Variants in SLC12A3 observed in about 807,000 individuals in gnomAD.
SLC12A3 encodes solute carrier family 12 member 3.
Under a neutral mutation model 121.0 loss-of-function variants are expected in SLC12A3, and 104 were observed. That is an observed-to-expected ratio of 0.86 (90% CI 0.73 to 1.01). The LOEUF is 1.01. Ranked by LOEUF, SLC12A3 falls within the 50% of genes least tolerant of loss-of-function variation. SLC12A3 has a pLI of 0.00. For synonymous variants in SLC12A3, 536 were observed against 533.4 expected (o/e 1.00, Z -0.07); for missense variants, 1,328 against 1,356.3 (o/e 0.98, Z 0.33).
At chr16:56,903,010 A>G (rs1026932228) in intron 24 of SLC12A3, among the ~76,000 whole-genome samples, 1 of 152,066 alleles carries the variant, frequency 6.6e-6, no homozygotes. Flanking sequence ...TTAGCTGGGC[A>G]TGGTGGCAGG....
At chr16:56,882,901 C>T (rs1283889070) in intron 13 of SLC12A3, among the ~76,000 whole-genome samples, 1 of 151,978 alleles carries the variant, frequency 6.6e-6, no homozygotes, top group African/African-American at 2.4e-5. Context: ...GAGATCGCGC[C>T]ATTGCACTCC....
At chr16:56,899,263 C>T (rs2055505469) in intron 22 of SLC12A3, among the ~76,000 whole-genome samples, 1 of 138,012 alleles carries the variant, frequency 7.2e-6, no homozygotes, top group African/African-American at 3.0e-5. Context: ...GCCTATAATG[C>T]CAGCACTTTG....
chr16:56,905,462 G>T (rs937350856), intron 25 of SLC12A3, among the ~76,000 whole-genome samples: 3 of 151,990 alleles, frequency 2.0e-5, no homozygotes, highest in African/African-American at 7.3e-5. Flanking sequence ...TTTCCTGGGG[G>T]CCAACCACCT....
chr16:56,870,518 TC>T (rs1333011526), intron 5 of SLC12A3, 107 bp from the exon 6 acceptor site: 4 of 829,158 alleles, frequency 4.8e-6, no homozygotes, highest in Non-Finnish European at 8.4e-6. Flanking sequence ...TGAGTTAACA[TC>T]GTCCTAGCAG....
intron 25 of SLC12A3, 61 bp downstream of exon 25, chr16:56,904,523 G>A: frequency 6.5e-7 from 1 of 1,532,162 alleles, no homozygotes; most frequent in Non-Finnish European, 9.0e-7. Context: ...CTCAGCTCTG[G>A]GAAGGGGCTC....
In SLC12A3 at chr16:56,887,934, C is replaced by G; in HGVS notation, c.2188C>G (p.Leu730Val). The G allele has an allele frequency of 6.2e-7, 1 of 1,611,728 alleles. No homozygotes were observed. Reference protein sequence around the residue: ...GVQILMQAAGLGRMKPNILVV... With the variant: ...GVQILMQAAGVGRMKPNILVV... ...CCCTATCCCCTGGCAGGCCGCAGGT[C>G]TCGGGAGAATGAAGCCCAACATTCT... The change falls in exon 18 of 26, where the codon CTC (leucine) becomes GTC (valine). Residue 730 changes from leucine to valine, a missense_variant. By Grantham distance (32) the Leu-to-Val change is conservative. Coordinates refer to ENST00000563236, the MANE Select transcript of SLC12A3 (RefSeq NM_001126108.2).
At chr16:56,898,300 G>T (rs2055493158) in intron 22 of SLC12A3, among the ~76,000 whole-genome samples, 1 of 151,534 alleles carries the variant, frequency 6.6e-6, no homozygotes, top group Non-Finnish European at 1.5e-5. Context: ...ATGGAGTCTT[G>T]CTCTGTCACC....
rs76116102 is a variant in SLC12A3 at position 56,882,546 on chromosome 16, A to G, written c.1669+49A>G. The G allele has an allele frequency of 1.6e-3, 2,320 of 1,430,718 alleles. 34 individuals are homozygous for G. In the African/African-American group the frequency reaches 0.028, roughly 17 times the overall value. 88.6% of individuals were successfully genotyped at this position (1,430,718 alleles called of 1,614,324 possible). ...CAGGAGGAGGCACCCAGGGGGCAGG[A>G]GGAACTGGGGCATGGGGTGGGAGTG... On this transcript the variant is annotated intron_variant, in intron 13 of 25. Coordinates refer to ENST00000563236, the MANE Select transcript of SLC12A3 (RefSeq NM_001126108.2).
chr16:56,886,623 G>A, intron 16 of SLC12A3, 148 bp downstream of exon 16: 1 of 755,336 alleles, frequency 1.3e-6, no homozygotes, highest in Non-Finnish European at 2.2e-6. Context: ...GGAGTCGCCT[G>A]GGTGTGATGT....
intron 12 of SLC12A3, among the ~76,000 whole-genome samples, chr16:56,880,800 A>C (rs577154691): frequency 1.2e-4 from 18 of 152,296 alleles, no homozygotes; most frequent in African/African-American, 3.9e-4. Context: ...CTTCCTATCC[A>C]GGCTTTGCCA....
rs1423784849 is a variant in SLC12A3 at position 56,880,246 on chromosome 16, C to G, written c.1560C>G (p.Ile520Met). Residue 520 changes from isoleucine to methionine, a missense_variant, in exon 12 of 26, where the codon ATC becomes ATG. Physicochemically the swap from Ile to Met is conservative, Grantham distance 10. Transcript: ENST00000563236. ...LLAYAIAVAF[I>M]IIAELNTIAP... Reference sequence around the variant, plus strand: ...CCTACGCCATCGCTGTGGCCTTCATCATCATCGGTAAGGCTCTGCCAGGGC... The same window carrying G: ...CCTACGCCATCGCTGTGGCCTTCATGATCATCGGTAAGGCTCTGCCAGGGC... The G allele has an allele frequency of 6.3e-7, 1 of 1,580,288 alleles. No homozygotes were observed. Among genetic ancestry groups the G allele is most frequent in the African/African-American group, 1.3e-5 (1 of 74,450 alleles).
intron 25 of SLC12A3, 199 bp downstream of exon 25, chr16:56,904,661 C>A: frequency 1.7e-6 from 1 of 595,016 alleles, no homozygotes. Flanking sequence ...TGAGCTCCAG[C>A]TGGCAGGGGT....
At position 56,894,586 on chromosome 16, in the gene SLC12A3, C is replaced by A; in HGVS notation, c.2577C>A (p.Cys859Ter). 6.2e-7 allele frequency: 1 copy of A among 1,614,142 alleles called. No individual in the cohort carries two copies. The highest frequency in any genetic ancestry group is 8.5e-7 in the Non-Finnish European group (1 of 1,180,010). Reference sequence around the variant, plus strand: ...GCCGCAAGAGGAGGTGGAGCAAATGCAAGATCCGTGTGTTCGTAGGCGGCC... The same window carrying A: ...GCCGCAAGAGGAGGTGGAGCAAATGAAAGATCCGTGTGTTCGTAGGCGGCC... ...LLGRKRRWSKCKIRVFVGGQI... is the reference protein window; with the variant it reads ...LLGRKRRWSK Residue 859 changes from cysteine (C) to a stop codon, truncating the protein, a stop_gained, in exon 22 of 26, where the codon TGC (cysteine) becomes TGA (stop). Transcript: ENST00000563236. LOFTEE classifies it high-confidence loss of function.
intron 2 of SLC12A3, 83 bp from the exon 3 acceptor site, chr16:56,868,214 C>G (rs1448141221): frequency 7.5e-6 from 10 of 1,341,622 alleles, no homozygotes; most frequent in Non-Finnish European, 9.5e-6. Context: ...GTGCTCGATA[C>G]CCTGCCATAG....
chr16:56,893,972 TTTA>T (rs1439715914), intron 21 of SLC12A3, among the ~76,000 whole-genome samples: 2 of 32,474 alleles, frequency 6.2e-5, no homozygotes, highest in African/African-American at 2.0e-4. Flanking sequence ...TTATTTTTAT[TTTA>T]TTTATTTATT....
chr16:56,911,278 C>A (rs1030411816), intron 25 of SLC12A3, among the ~76,000 whole-genome samples: 28 of 152,096 alleles, frequency 1.8e-4, no homozygotes, highest in African/African-American at 6.3e-4. Flanking sequence ...TGGCCTTGGT[C>A]CAACCCACCT....
intron 25 of SLC12A3, among the ~76,000 whole-genome samples, chr16:56,909,157 G>A (rs909534132): frequency 6.6e-6 from 1 of 151,972 alleles, no homozygotes; most frequent in East Asian, 1.9e-4. Context: ...TCATTAAAAT[G>A]ACTCATTAAA....
chr16:56,880,199 C>T lies in SLC12A3; in HGVS notation c.1513C>T (p.Pro505Ser), dbSNP rs1486448470. The change falls in exon 12 of 26, where the codon CCC becomes TCC. Residue 505 changes from proline (P) to serine (S), a missense_variant. Physicochemically the swap from Pro to Ser is moderately conservative, Grantham distance 74. Transcript: ENST00000563236. Reference protein sequence around the residue: ...FGKGYGKNKEPVRGYLLAYAI... With the variant: ...FGKGYGKNKESVRGYLLAYAI... ...CAAAGGCTATGGCAAGAACAAGGAG[C>T]CCGTGCGTGGCTACCTGCTGGCCTA... 1 of 1,597,750 alleles carries T rather than the reference C, an allele frequency of 6.3e-7. No individual in the cohort carries two copies. The highest frequency in any genetic ancestry group is 8.5e-7 in the Non-Finnish European group (1 of 1,173,058).
chr16:56,869,777 CAG>C lies in SLC12A3; in HGVS notation c.555_556del (p.Gly186ProfsTer72), dbSNP rs773853559. ...CTGTCGGTCACGGTGACCTCCATCA[CAG>C]GCCTCTCCATCTCAGCCATCTCCAC... On this transcript the variant is annotated frameshift_variant, in exon 4 of 26. Transcript: ENST00000563236. LOFTEE classifies it high-confidence loss of function. 6.2e-7 allele frequency: 1 copy of C among 1,614,208 alleles called. No homozygotes were observed. Among genetic ancestry groups the C allele is most frequent in the Admixed American group, 1.7e-5 (1 of 60,032 alleles).
Sources: gnomAD v4.1 joint callset for allele counts (sites outside exome capture counted in the v4.1 genomes callset) on GRCh38, gnomAD v4.1.1 for gene constraint, MANE v1.5 for transcripts, NCBI Gene and HGNC (gene_info 2026-07-23, HGNC 2026-07-21) for gene names.